KLHL20: variants seen among roughly 807,000 people sequenced by gnomAD.
KLHL20 encodes the protein kelch like family member 20, also known as kelch-like protein 20.
In KLHL20, 29 loss-of-function variants were observed where a neutral mutation model predicts 69.5. The observed-to-expected ratio is 0.42, with a 90% CI of 0.31 to 0.57. The LOEUF (loss-of-function observed/expected upper bound fraction) is 0.57, where lower values mean the gene tolerates loss of function less well. Ranked by LOEUF, KLHL20 falls within the 20% of genes least tolerant of loss-of-function variation. KLHL20 has a pLI of 0.18. For synonymous variants in KLHL20, 253 were observed against 265.2 expected (o/e 0.95, Z 0.45); for missense variants, 419 against 776.0 (o/e 0.54, Z 5.47).
intron 11 of KLHL20, among the ~76,000 whole-genome samples, chr1:173,784,351 A>T (rs1454582401): frequency 1.3e-5 from 2 of 152,184 alleles, no homozygotes; most frequent in Non-Finnish European, 2.9e-5. Context: ...TTTCTTCCAT[A>T]TACAGCTTTC....
At chr1:173,761,450 C>A (rs1025834138) in intron 7 of KLHL20, among the ~76,000 whole-genome samples, 2 of 152,170 alleles carry the variant, frequency 1.3e-5, no homozygotes, top group Admixed American at 6.5e-5. Context: ...TTCAACAGCT[C>A]ATGGAACTTT....
At chr1:173,780,877 G>A (rs768020916) in intron 10 of KLHL20, among the ~76,000 whole-genome samples, 32 of 152,048 alleles carry the variant, frequency 2.1e-4, no homozygotes, top group Admixed American at 9.8e-4. Context: ...CTACAGGTGC[G>A]TGCCACCATG....
At position 173,730,953 on chromosome 1, in the gene KLHL20, A is replaced by G. The variant is rs550995502; in HGVS notation, c.24-2760A>G. ...CAGGCAACCTACAGAATGGGAGAAAATTTTTGCAATCTACTCATCTGACAA... is the reference window on the plus strand; with the variant it reads ...CAGGCAACCTACAGAATGGGAGAAAGTTTTTGCAATCTACTCATCTGACAA... On this transcript the variant is annotated intron_variant, in intron 2 of 11. Coordinates refer to ENST00000209884, the MANE Select transcript of KLHL20 (RefSeq NM_014458.4). Among the ~76,000 whole-genome samples, 17 of 152,224 alleles carry G rather than the reference A, an allele frequency of 1.1e-4. No individual in the cohort carries two copies. The East Asian group carries it at 3.3e-3, about 29-fold the overall frequency.
intron 3 of KLHL20, among the ~76,000 whole-genome samples, chr1:173,740,184 C>T (rs1464353280): frequency 4.7e-5 from 7 of 147,604 alleles, no homozygotes; most frequent in South Asian, 2.2e-4. Context: ...TGCAGTGGCG[C>T]GATTTCGGCT....
chr1:173,761,199 T>C (rs1036365438), intron 7 of KLHL20, among the ~76,000 whole-genome samples: 4 of 152,172 alleles, frequency 2.6e-5, no homozygotes, highest in Non-Finnish European at 5.9e-5. Flanking sequence ...GTCTTAAACA[T>C]ACATGCACCT....
chr1:173,760,805 C>G (rs1205906712), intron 7 of KLHL20, among the ~76,000 whole-genome samples: 1 of 152,090 alleles, frequency 6.6e-6, no homozygotes, highest in African/African-American at 2.4e-5. Context: ...TGCAAAAATA[C>G]AAGTTAAAAA....
Position 173,733,867 on chromosome 1 carries a change from C to T in KLHL20, c.178C>T (p.Leu60Phe). ...TCGACAAACCTTGGAAGTGATTAAC[C>T]TTCTGAGAAAGCACCGGGAGCTATG... Reference protein sequence around the residue: ...HPRQTLEVINLLRKHRELCDV... With the variant: ...HPRQTLEVINFLRKHRELCDV... Residue 60 changes from leucine (L) to phenylalanine (F), a missense_variant, in exon 3 of 12, where the codon CTT (leucine) becomes TTT (phenylalanine). Transcript: ENST00000209884. 3 of 1,614,114 alleles carry T rather than the reference C, an allele frequency of 1.9e-6. No individual in the cohort carries two copies.
chr1:173,747,207 G>T (rs1198724493), intron 3 of KLHL20, among the ~76,000 whole-genome samples: 1 of 151,854 alleles, frequency 6.6e-6, no homozygotes, highest in Non-Finnish European at 1.5e-5. Flanking sequence ...GTATGCATAA[G>T]ATATACCTTA....
intron 3 of KLHL20, among the ~76,000 whole-genome samples, chr1:173,743,352 C>A (rs530369583): frequency 1.3e-5 from 2 of 152,108 alleles, no homozygotes; most frequent in African/African-American, 4.8e-5. Flanking sequence ...CATTTTGCCT[C>A]ATTTACCTTG....
At chr1:173,739,209 A>T (rs1251118068) in intron 3 of KLHL20, among the ~76,000 whole-genome samples, 1 of 152,082 alleles carries the variant, frequency 6.6e-6, no homozygotes, top group East Asian at 1.9e-4. Context: ...AGTATCTGGA[A>T]CTACAGGCAC....
Position 173,757,158 on chromosome 1 carries a change from A to G in KLHL20, c.1150A>G (p.Arg384Gly). The G allele has an allele frequency of 6.2e-7, 1 of 1,601,678 alleles. No individual in the cohort carries two copies. The highest frequency in any genetic ancestry group is 8.5e-7 in the Non-Finnish European group (1 of 1,171,474). The change falls in exon 7 of 12, where the codon AGG becomes GGG. Residue 384 changes from arginine to glycine, a missense_variant and splice_region_variant. Physicochemically the swap from Arg to Gly is moderately radical, Grantham distance 125 (BLOSUM62 -2). Coordinates refer to ENST00000209884, the MANE Select transcript of KLHL20 (RefSeq NM_014458.4). ...DGSSYLNSVE[R>G]YDPKTNQWSS... is the part of the protein sequence containing the mutation. ...ATCCTCTTATCTCAATAGTGTTGAA[A>G]GGTGAGTAAGGTCAATCTGTAATTT... is the stretch of plus-strand genomic sequence containing the variant.
intron 2 of KLHL20, among the ~76,000 whole-genome samples, chr1:173,733,336 T>G (rs908451242): frequency 3.9e-5 from 6 of 152,184 alleles, no homozygotes; most frequent in Admixed American, 1.3e-4. Flanking sequence ...CTTTTTATAT[T>G]GTCTTTAATT....
chr1:173,725,533 G>A (rs1323022422), intron 2 of KLHL20, among the ~76,000 whole-genome samples: 1 of 152,152 alleles, frequency 6.6e-6, no homozygotes, highest in African/African-American at 2.4e-5. Flanking sequence ...ATCCTGTAAG[G>A]CAGTGTTCAT....
chr1:173,773,853 A>T (rs1648268713), intron 8 of KLHL20, among the ~76,000 whole-genome samples: 1 of 152,006 alleles, frequency 6.6e-6, no homozygotes, highest in Non-Finnish European at 1.5e-5. Flanking sequence ...CTCTACTAAA[A>T]ATACAAAAAA....
intron 2 of KLHL20, among the ~76,000 whole-genome samples, chr1:173,719,605 A>AAG (rs1164889113): frequency 6.6e-6 from 1 of 151,556 alleles, no homozygotes; most frequent in Non-Finnish European, 1.5e-5. Flanking sequence ...ATGAAAGCAT[A>AAG]AGAATCCGTC....
intron 9 of KLHL20, 26 bp from the exon 10 acceptor site, chr1:173,775,608 C>G (rs751828732): frequency 1.3e-6 from 2 of 1,596,066 alleles, no homozygotes; most frequent in Non-Finnish European, 1.7e-6. Flanking sequence ...TGAATGCTCA[C>G]TTACTGGTTT....
At chr1:173,768,526 A>G (rs1452732194) in intron 8 of KLHL20, among the ~76,000 whole-genome samples, 1 of 152,216 alleles carries the variant, frequency 6.6e-6, no homozygotes, top group Non-Finnish European at 1.5e-5. Flanking sequence ...CTGTCAAGAA[A>G]TCTATTTTTT....
At chr1:173,768,474 G>A (rs1446122562) in intron 8 of KLHL20, among the ~76,000 whole-genome samples, 1 of 152,150 alleles carries the variant, frequency 6.6e-6, no homozygotes, top group African/African-American at 2.4e-5. Flanking sequence ...AGATAAAATA[G>A]AAGGTAACTC....
At chr1:173,751,743 T>C (rs375722598) in intron 3 of KLHL20, 21 bp from the exon 4 acceptor site, 24 of 1,610,886 alleles carry the variant, frequency 1.5e-5, no homozygotes, top group Non-Finnish European at 2.0e-5. Context: ...TTTTTTTTTC[T>C]TCTTACCTAA....
Sources: gnomAD v4.1 joint callset for allele counts (sites outside exome capture counted in the v4.1 genomes callset) on GRCh38, gnomAD v4.1.1 for gene constraint, MANE v1.5 for transcripts, NCBI Gene and HGNC (gene_info 2026-07-23, HGNC 2026-07-21) for gene names.